CDH4: variants seen among roughly 807,000 people sequenced by gnomAD.
CDH4 encodes cadherin-4.
A neutral mutation model predicts 86.0 loss-of-function variants in CDH4; 33 were observed. That is an observed-to-expected ratio of 0.38 (90% confidence interval 0.29 to 0.51). The LOEUF is 0.51. Ranked by LOEUF, CDH4 falls within the 20% of genes least tolerant of loss-of-function variation. CDH4 has a pLI of 0.86. For missense variants in CDH4, 1,114 were observed against 1,307.4 expected (o/e 0.85, Z 2.28); for synonymous variants, 555 against 549.4 (o/e 1.01, Z -0.14).
chr20:61,601,127 C>T (rs901597265), intron 2 of CDH4, among the ~76,000 whole-genome samples: 2 of 152,240 alleles, frequency 1.3e-5, no homozygotes, highest in African/African-American at 4.8e-5. Flanking sequence ...GCACCGGCAT[C>T]TGCTCAGCTT....
At chr20:61,595,210 T>G (rs2086547335) in intron 2 of CDH4, among the ~76,000 whole-genome samples, 1 of 152,204 alleles carries the variant, frequency 6.6e-6, no homozygotes, top group African/African-American at 2.4e-5. Context: ...CTGCTGCCAA[T>G]GTCTGGGTAT....
chr20:61,464,975 G>A (rs1348699049), intron 2 of CDH4, among the ~76,000 whole-genome samples: 1 of 152,190 alleles, frequency 6.6e-6, no homozygotes, highest in Admixed American at 6.5e-5. Flanking sequence ...GTCTGAAAAT[G>A]CCAAATTTGG....
intron 7 of CDH4, among the ~76,000 whole-genome samples, chr20:61,891,434 TC>T (rs954412823): frequency 2.4e-4 from 37 of 152,058 alleles, no homozygotes; most frequent in African/African-American, 8.7e-4. Flanking sequence ...CCGCCCACTC[TC>T]CCCGGCCCTG....
chr20:61,455,692 C>G (rs2085403214), intron 2 of CDH4, among the ~76,000 whole-genome samples: 1 of 152,162 alleles, frequency 6.6e-6, no homozygotes, highest in Non-Finnish European at 1.5e-5. Flanking sequence ...AATGGCATCC[C>G]TAGACATTGG....
At chr20:61,667,926 C>T (rs554336301) in intron 2 of CDH4, among the ~76,000 whole-genome samples, 7 of 152,280 alleles carry the variant, frequency 4.6e-5, no homozygotes, top group Admixed American at 2.6e-4. Flanking sequence ...TGCCAAATGT[C>T]GCATGTGGCT....
At chr20:61,490,427 G>T (rs1033885420) in intron 2 of CDH4, among the ~76,000 whole-genome samples, 1 of 152,196 alleles carries the variant, frequency 6.6e-6, no homozygotes, top group African/African-American at 2.4e-5. Context: ...GTGGCCGGGC[G>T]CAGTGGCTCA....
rs1011644774 is a variant in CDH4, at chr20:61,657,988, G to A, written c.170-85575G>A. 4.6e-5 allele frequency among the ~76,000 whole-genome samples: 7 copies of A among 152,184 alleles called. 1 individual carries two copies. The East Asian group carries it at 1.4e-3, about 29-fold the overall frequency. ...TGGTTCTGCTTTATGACCCTTTACT[G>A]GAGGGAAGCAGAGTGGATTAAGGGA... is the stretch of plus-strand genomic sequence containing the variant. On this transcript the variant is annotated intron_variant, in intron 2 of 15. Coordinates refer to ENST00000614565, the MANE Select transcript of CDH4 (RefSeq NM_001794.5).
chr20:61,638,005 T>C (rs1248749219), intron 2 of CDH4, among the ~76,000 whole-genome samples: 3 of 124,264 alleles, frequency 2.4e-5, no homozygotes, highest in East Asian at 4.7e-4. Flanking sequence ...CACTCCAGCC[T>C]GGGCAACAAG....
intron 2 of CDH4, among the ~76,000 whole-genome samples, chr20:61,524,179 T>A (rs1568876860): frequency 1.3e-5 from 2 of 152,186 alleles, no homozygotes; most frequent in Non-Finnish European, 2.9e-5. Flanking sequence ...TGGTTTATGC[T>A]GCTGGGGTTA....
chr20:61,626,147 G>C (rs376253241), intron 2 of CDH4, among the ~76,000 whole-genome samples: 1 of 152,246 alleles, frequency 6.6e-6, no homozygotes, highest in Admixed American at 6.5e-5. Flanking sequence ...CCCTGCCCTT[G>C]GGAAGGGGAC....
chr20:61,357,061 A>T (rs1285015853), intron 2 of CDH4, among the ~76,000 whole-genome samples: 1 of 152,104 alleles, frequency 6.6e-6, no homozygotes, highest in Non-Finnish European at 1.5e-5. Flanking sequence ...CCTCACTGAG[A>T]TGCGGGGTGC....
At chr20:61,932,888 C>T in intron 13 of CDH4, 97 bp from the exon 14 acceptor site, 5 of 1,487,708 alleles carry the variant, frequency 3.4e-6, no homozygotes, top group Non-Finnish European at 4.5e-6. Context: ...TTGTGTGCCA[C>T]CTGCATGTAC....
chr20:61,762,749 C>T (rs546238631), intron 3 of CDH4, among the ~76,000 whole-genome samples: 18 of 152,340 alleles, frequency 1.2e-4, no homozygotes, highest in South Asian at 4.1e-4. Flanking sequence ...CTCAGCATTG[C>T]GGGTTCACAG....
At chr20:61,856,385 GC>G (rs1241890021) in intron 6 of CDH4, among the ~76,000 whole-genome samples, 1 of 111,048 alleles carries the variant, frequency 9.0e-6, no homozygotes, top group African/African-American at 3.7e-5. Flanking sequence ...CTCTTCTCCA[GC>G]CCCCCGGGAT....
chr20:61,547,538 T>C (rs1025474772), intron 2 of CDH4, among the ~76,000 whole-genome samples: 6 of 146,100 alleles, frequency 4.1e-5, no homozygotes, highest in African/African-American at 1.5e-4. Flanking sequence ...CTCTGGCCTG[T>C]GATTCTCCGT....
At chr20:61,636,845 T>C (rs976018113) in intron 2 of CDH4, among the ~76,000 whole-genome samples, 2 of 152,198 alleles carry the variant, frequency 1.3e-5, no homozygotes, top group Non-Finnish European at 1.5e-5. Flanking sequence ...GCAGGAAGAT[T>C]CTACCACCAG....
intron 2 of CDH4, among the ~76,000 whole-genome samples, chr20:61,387,474 A>C (rs1168487362): frequency 1.3e-5 from 2 of 152,136 alleles, no homozygotes; most frequent in Non-Finnish European, 2.9e-5. Context: ...ATATACATAC[A>C]TATACACACA....
At chr20:61,477,052 C>A (rs2145574892) in intron 2 of CDH4, among the ~76,000 whole-genome samples, 1 of 152,280 alleles carries the variant, frequency 6.6e-6, no homozygotes. Flanking sequence ...GGGGCCGGGG[C>A]TGCCTGCAGG....
At chr20:61,589,097 T>C (rs1216201623) in intron 2 of CDH4, among the ~76,000 whole-genome samples, 1 of 152,226 alleles carries the variant, frequency 6.6e-6, no homozygotes, top group Non-Finnish European at 1.5e-5. Context: ...TCCTTGGGTA[T>C]TAGTAATTTG....
Sources: gnomAD v4.1 joint callset for allele counts (sites outside exome capture counted in the v4.1 genomes callset) on GRCh38, gnomAD v4.1.1 for gene constraint, MANE v1.5 for transcripts, NCBI Gene and HGNC (gene_info 2026-07-23, HGNC 2026-07-21) for gene names.